The following TIGD1 variants were observed in gnomAD, a reference collection of about 807,000 sequenced individuals.
TIGD1 encodes the protein tigger transposable element derived 1.
In TIGD1, 20 loss-of-function variants were observed where a neutral mutation model predicts 21.3. That is an observed-to-expected ratio of 0.94 (90% CI 0.66 to 1.36). The LOEUF is 1.36. TIGD1 is among the 40% of genes most tolerant of loss of function. TIGD1 has a pLI of 0.00. For missense variants in TIGD1, 556 were observed against 350.5 expected (o/e 1.59, Z -4.68); for synonymous variants, 177 against 123.2 (o/e 1.44, Z -2.89).
rs1166857172 is a variant in TIGD1, at chr2:232,544,391, C to T, written c.*3716G>A. ...GGTGTTCCTGAGGCTCTTGCCCCAG[C>T]TGCTGAGGATGCACGTTCGCCCGCT... is the stretch of plus-strand genomic sequence containing the variant. On this transcript the variant is annotated 3_prime_UTR_variant, in exon 1 of 1. Coordinates refer to ENST00000408957, the MANE Select transcript of TIGD1 (RefSeq NM_145702.4). 6.2e-7 allele frequency: 1 copy of T among 1,613,450 alleles called. No homozygotes were observed. Among genetic ancestry groups the T allele is most frequent in the Admixed American group, 1.7e-5 (1 of 60,034 alleles).
rs936801957 is a variant in TIGD1, at chr2:232,549,176, A to G, written c.707T>C (p.Met236Thr). The G allele has an allele frequency of 2.1e-5, 15 of 711,112 alleles. No homozygotes were observed. The highest frequency in any genetic ancestry group is 3.6e-5 in the Non-Finnish European group (14 of 383,742). 44.1% of individuals were successfully genotyped at this position (711,112 alleles called of 1,614,324 possible). ...AGGATTTTCAGAATGGTAAATAAGCATTGGCTTCAACTTAAAGTCACCAGC... is the reference window on the plus strand; with the variant it reads ...AGGATTTTCAGAATGGTAAATAAGCGTTGGCTTCAACTTAAAGTCACCAGC... ...NAAGDFKLKP[M>T]LIYHSENPRA... Residue 236 changes from methionine to threonine, a missense_variant, in exon 1 of 1, where the codon ATG becomes ACG. Coordinates refer to ENST00000408957, the MANE Select transcript of TIGD1 (RefSeq NM_145702.4).
rs375422793 is a variant in TIGD1 at position 232,544,922 on chromosome 2, G to C, written c.*3185C>G. 52 of 1,613,604 alleles carry C rather than the reference G, an allele frequency of 3.2e-5. No homozygotes were observed. Among genetic ancestry groups the C allele is most frequent in the Non-Finnish European group, 4.2e-5 (50 of 1,179,922 alleles). On this transcript the variant is annotated 3_prime_UTR_variant, in exon 1 of 1. Coordinates refer to ENST00000408957, the MANE Select transcript of TIGD1 (RefSeq NM_145702.4). Reference sequence around the variant, plus strand: ...GACAATGTAAGCTGAGTCAGGGTGGGGTGGAGGTGGAGTGAGTACCTGGGC... The same window carrying C: ...GACAATGTAAGCTGAGTCAGGGTGGCGTGGAGGTGGAGTGAGTACCTGGGC...
rs368822040 is a variant in TIGD1, at chr2:232,545,510, G to A, written c.*2597C>T. ...GACCCAGGGAAGACCTGGTGCCGCCGCTGGTTATCCCACACCTGCCTCCCA... is the reference window on the plus strand; with the variant it reads ...GACCCAGGGAAGACCTGGTGCCGCCACTGGTTATCCCACACCTGCCTCCCA... On this transcript the variant is annotated 3_prime_UTR_variant, in exon 1 of 1. Transcript: ENST00000408957. 3.2e-5 allele frequency: 52 copies of A among 1,603,692 alleles called. No individual in the cohort carries two copies. Among genetic ancestry groups the A allele is most frequent in the Non-Finnish European group, 4.0e-5 (47 of 1,174,390 alleles).
In TIGD1 at chr2:232,544,403, C is replaced by T; in HGVS notation, c.*3704G>A. On this transcript the variant is annotated 3_prime_UTR_variant, in exon 1 of 1. Transcript: ENST00000408957. ...GCTCTTGCCCCAGCTGCTGAGGATG[C>T]ACGTTCGCCCGCTGGCCCCGGCAGC... is the stretch of plus-strand genomic sequence containing the variant. 6.2e-7 allele frequency: 1 copy of T among 1,613,512 alleles called. No homozygotes were observed. Among genetic ancestry groups the T allele is most frequent in the East Asian group, 2.2e-5 (1 of 44,872 alleles).
rs1472958681 is a variant in TIGD1 at position 232,545,434 on chromosome 2, GC to G, written c.*2672del. Reference sequence around the variant, plus strand: ...TGGGACCCGGACATAGGTAAGAAGGGCCCCAGGAAATGGAGACATGGGCCTG... The same window carrying G: ...TGGGACCCGGACATAGGTAAGAAGGGCCCAGGAAATGGAGACATGGGCCTG... On this transcript the variant is annotated 3_prime_UTR_variant, in exon 1 of 1. Coordinates refer to ENST00000408957, the MANE Select transcript of TIGD1 (RefSeq NM_145702.4). 4.9e-6 allele frequency: 5 copies of G among 1,024,186 alleles called. No individual in the cohort carries two copies. The highest frequency in any genetic ancestry group is 5.9e-6 in the Non-Finnish European group (4 of 679,666). The allele number at this position is 1,024,186 out of a possible 1,614,324, so 63.4% of individuals were successfully genotyped here.
Position 232,548,350 on chromosome 2 carries a change from G to A in TIGD1, c.1533C>T (p.Ser511=). Residue 511 remains serine, a synonymous_variant, in exon 1 of 1, where the codon TCC becomes TCT. Coordinates refer to ENST00000408957, the MANE Select transcript of TIGD1 (RefSeq NM_145702.4). ...KAAAGFERID[S]NFERSSTVGK... ...CCACAGTAGAGCTTCTTTCAAAATT[G>A]GAGTCAATCCTCTCAAACCCTGCTG... 1 of 1,246,052 alleles carries A rather than the reference G, an allele frequency of 8.0e-7. No homozygotes were observed. The highest frequency in any genetic ancestry group is 1.4e-5 in the South Asian group (1 of 70,258). 77.2% of individuals were successfully genotyped at this position (1,246,052 alleles called of 1,614,324 possible).
In TIGD1 at chr2:232,550,077, T is replaced by C. The variant is rs1331881747; in HGVS notation, c.-195A>G. ...TGACAATAGCAACATCAAAGATCAC[T>C]GATCATAGATCACCATAACAGACAC... On this transcript the variant is annotated 5_prime_UTR_variant, in exon 1 of 1. Transcript: ENST00000408957. 6.4e-6 allele frequency: 3 copies of C among 465,686 alleles called. No individual in the cohort carries two copies. The highest frequency in any genetic ancestry group is 2.0e-5 in the African/African-American group (1 of 49,604). The allele number at this position is 465,686 out of a possible 1,614,324, so 28.8% of individuals were successfully genotyped here.
chr2:232,544,411 C>T lies in TIGD1; in HGVS notation c.*3696G>A. 2 of 1,613,560 alleles carry T rather than the reference C, an allele frequency of 1.2e-6. No homozygotes were observed. Among genetic ancestry groups the T allele is most frequent in the South Asian group, 2.2e-5 (2 of 91,090 alleles). On this transcript the variant is annotated 3_prime_UTR_variant, in exon 1 of 1. Transcript: ENST00000408957. ...CCCAGCTGCTGAGGATGCACGTTCG[C>T]CCGCTGGCCCCGGCAGCTGTGCAGG...
Position 232,549,702 on chromosome 2 carries a change from C to A in TIGD1, c.181G>T (p.Val61Phe). 1 of 834,030 alleles carries A rather than the reference C, an allele frequency of 1.2e-6. No individual in the cohort carries two copies. Among genetic ancestry groups the A allele is most frequent in the Non-Finnish European group, 2.0e-6 (1 of 492,392 alleles). 51.7% of individuals were successfully genotyped at this position (834,030 alleles called of 1,614,324 possible). The stretch of plus-strand genomic sequence containing the variant: ...GTGTTCATTGGAGTAGCACTTTTAA[C>A]TTCCTTCAAGAACTTTTCCTTTGCA... ...VNAKEKFLKE[V>F]KSATPMNTRM... The change falls in exon 1 of 1, where the codon GTT becomes TTT. Residue 61 changes from valine to phenylalanine, a missense_variant. By Grantham distance (50) the Val-to-Phe change is conservative. Coordinates refer to ENST00000408957, the MANE Select transcript of TIGD1 (RefSeq NM_145702.4).
At position 232,549,876 on chromosome 2, in the gene TIGD1, A is replaced by T; in HGVS notation, c.7T>A (p.Ser3Thr). Reference protein sequence around the residue: MASKCSSERKSRT... With the variant: MATKCSSERKSRT... ...CTCTTCCTTTCACTTGAGCACTTAG[A>T]GGCCATTGCAGAGTCATTAATTCGC... Residue 3 changes from serine (S) to threonine (T), a missense_variant, in exon 1 of 1, where the codon TCT becomes ACT. By Grantham distance (58) the Ser-to-Thr change is moderately conservative. Coordinates refer to ENST00000408957, the MANE Select transcript of TIGD1 (RefSeq NM_145702.4). The T allele has an allele frequency of 6.9e-7, 1 of 1,459,228 alleles. No individual in the cohort carries two copies. Among genetic ancestry groups the T allele is most frequent in the Non-Finnish European group, 9.2e-7 (1 of 1,086,648 alleles). 90.4% of individuals were successfully genotyped at this position (1,459,228 alleles called of 1,614,324 possible).
Position 232,546,432 on chromosome 2 carries a change from C to A in TIGD1, c.*1675G>T. The stretch of plus-strand genomic sequence containing the variant: ...GCATGATCATGGCTCACTGCAGCCT[C>A]AACCTCCAGGGCTCAAGCAATGCTC... On this transcript the variant is annotated 3_prime_UTR_variant, in exon 1 of 1. Coordinates refer to ENST00000408957, the MANE Select transcript of TIGD1 (RefSeq NM_145702.4). 1 of 153,242 alleles carries A rather than the reference C, an allele frequency of 6.5e-6. No homozygotes were observed. Among genetic ancestry groups the A allele is most frequent in the Non-Finnish European group, 1.4e-5 (1 of 69,070 alleles). 9.5% of individuals were successfully genotyped at this position (153,242 alleles called of 1,614,324 possible).
In TIGD1 at chr2:232,547,345, G is replaced by C. The variant is rs1486683010; in HGVS notation, c.*762C>G. Among the ~76,000 whole-genome samples the C allele has an allele frequency of 1.3e-5, 2 of 152,136 alleles. No individual in the cohort carries two copies. Among genetic ancestry groups the C allele is most frequent in the Admixed American group, 6.5e-5 (1 of 15,272 alleles). On this transcript the variant is annotated 3_prime_UTR_variant, in exon 1 of 1. Coordinates refer to ENST00000408957, the MANE Select transcript of TIGD1 (RefSeq NM_145702.4). ...AGGTGGGAGGATCGCTTGAGCCCAG[G>C]AGGTCTAGGCTGCAGTGAGCTGTGA...
At position 232,544,818 on chromosome 2, in the gene TIGD1, G is replaced by A. The variant is rs1286284240; in HGVS notation, c.*3289C>T. 6.2e-7 allele frequency: 1 copy of A among 1,613,422 alleles called. No homozygotes were observed. Among genetic ancestry groups the A allele is most frequent in the East Asian group, 2.2e-5 (1 of 44,868 alleles). ...TGAGCCAGTTCTGTGGCAGCCTGAA[G>A]CAGGCTGCCCCAGCCATCCAGGCCT... On this transcript the variant is annotated 3_prime_UTR_variant, in exon 1 of 1. Coordinates refer to ENST00000408957, the MANE Select transcript of TIGD1 (RefSeq NM_145702.4).
rs930621102 is a variant in TIGD1, at chr2:232,548,269, C to G, written c.1614G>C (p.Lys538Asn). The G allele has an allele frequency of 6.5e-7, 1 of 1,540,478 alleles. No individual in the cohort carries two copies. The highest frequency in any genetic ancestry group is 2.0e-5 in the Admixed American group (1 of 50,382). The part of the protein sequence containing the change: ...ACYREIFHER[K>N]SQLMRKASPM... ...GTGAAGCTTTTCGCATGAGTTGACT[C>G]TTCCTTTCATGAAAGATTTCTCTGT... is the stretch of plus-strand genomic sequence containing the variant. Residue 538 changes from lysine to asparagine, a missense_variant, in exon 1 of 1, where the codon AAG becomes AAC. Coordinates refer to ENST00000408957, the MANE Select transcript of TIGD1 (RefSeq NM_145702.4).
chr2:232,545,997 C>A lies in TIGD1; in HGVS notation c.*2110G>T. 1.8e-6 allele frequency: 1 copy of A among 554,142 alleles called. No homozygotes were observed. The highest frequency in any genetic ancestry group is 3.3e-6 in the Non-Finnish European group (1 of 305,576). 34.3% of individuals were successfully genotyped at this position (554,142 alleles called of 1,614,324 possible). On this transcript the variant is annotated 3_prime_UTR_variant, in exon 1 of 1. Coordinates refer to ENST00000408957, the MANE Select transcript of TIGD1 (RefSeq NM_145702.4). ...CCACCCCTCCACTCAGTGCACTCCC[C>A]TCACTTAGGCAAAGCATTATTCATT...
chr2:232,545,681 G>T lies in TIGD1; in HGVS notation c.*2426C>A, dbSNP rs574529560. 1.2e-6 allele frequency: 2 copies of T among 1,614,152 alleles called. No individual in the cohort carries two copies. The highest frequency in any genetic ancestry group is 2.7e-5 in the African/African-American group (2 of 75,056). On this transcript the variant is annotated 3_prime_UTR_variant, in exon 1 of 1. Transcript: ENST00000408957. ...CCGGGTGCCGGCCCTGCCATTCCCT[G>T]GAGATCCACGCCCCTACCTGCCCTC...
At position 232,548,779 on chromosome 2, in the gene TIGD1, T is replaced by A; in HGVS notation, c.1104A>T (p.Gln368His). The A allele has an allele frequency of 1.9e-6, 1 of 540,480 alleles. No individual in the cohort carries two copies. Among genetic ancestry groups the A allele is most frequent in the Non-Finnish European group, 3.5e-6 (1 of 284,192 alleles). The allele number at this position is 540,480 out of a possible 1,614,324, so 33.5% of individuals were successfully genotyped here. A position where few individuals can be genotyped will look rare whatever the true frequency, so the allele number is the denominator to read the frequency against. Residue 368 changes from glutamine to histidine, a missense_variant, in exon 1 of 1, where the codon CAA becomes CAT. Coordinates refer to ENST00000408957, the MANE Select transcript of TIGD1 (RefSeq NM_145702.4). ...CTTTCCAGAAGGTTTTCAATTTGCTTTGCCCAGATCCATCAGAGACATCAC... is the reference window on the plus strand; with the variant it reads ...CTTTCCAGAAGGTTTTCAATTTGCTATGCCCAGATCCATCAGAGACATCAC... ...MDSDVSDGSG[Q>H]SKLKTFWKGF...
chr2:232,548,183 G>T lies in TIGD1; in HGVS notation c.1700C>A (p.Thr567Asn). ...CCTCGAGGTTGATGGTTGCTGACTG[G>T]TCAGGGTGGTGGCTGCTGAAGGTTG... ...PPQPSAATTL[T>N]SQQPSTSRQD... The change falls in exon 1 of 1, where the codon ACC becomes AAC. Residue 567 changes from threonine (T) to asparagine (N), a missense_variant. By Grantham distance (65) the Thr-to-Asn change is moderately conservative. Transcript: ENST00000408957. 1 of 1,521,366 alleles carries T rather than the reference G, an allele frequency of 6.6e-7. No homozygotes were observed. The allele number at this position is 1,521,366 out of a possible 1,614,324, so 94.2% of individuals were successfully genotyped here. A position where few individuals can be genotyped will look rare whatever the true frequency, so the allele number is the denominator to read the frequency against.
Position 232,545,089 on chromosome 2 carries a change from G to A in TIGD1, c.*3018C>T, listed in dbSNP as rs1692099650. Among the ~76,000 whole-genome samples the A allele has an allele frequency of 6.6e-6, 1 of 152,102 alleles. No homozygotes were observed. On this transcript the variant is annotated 3_prime_UTR_variant, in exon 1 of 1. Coordinates refer to ENST00000408957, the MANE Select transcript of TIGD1 (RefSeq NM_145702.4). ...AGGCGAGTGGATCACCTGAGGTCAG[G>A]AGTTTGAGACCAGCCTGGCCAACAT...
Sources: gnomAD v4.1 joint callset for allele counts (sites outside exome capture counted in the v4.1 genomes callset) on GRCh38, gnomAD v4.1.1 for gene constraint, MANE v1.5 for transcripts, NCBI Gene and HGNC (gene_info 2026-07-23, HGNC 2026-07-21) for gene names.